SAMD12: variants seen among roughly 807,000 people sequenced by gnomAD.
The protein encoded by SAMD12 is sterile alpha motif domain-containing protein 12.
SAMD12 carries 9 observed loss-of-function variants against 15.0 expected under a neutral mutation model. The ratio of observed to expected loss-of-function variants is 0.60; its 90% CI spans 0.36 to 1.05. The LOEUF (loss-of-function observed/expected upper bound fraction) is 1.05, where lower values mean the gene tolerates loss of function less well. Among genes scored for constraint, SAMD12 ranks in the 50% least tolerant of loss-of-function variants. The pLI is 0.01. For synonymous variants in SAMD12, 86 were observed against 90.1 expected (o/e 0.96, Z 0.25); for missense variants, 230 against 234.2 (o/e 0.98, Z 0.12).
chr8:118,315,504 G>C (rs904142252), intron 4 of SAMD12, among the ~76,000 whole-genome samples: 2 of 152,120 alleles, frequency 1.3e-5, no homozygotes, highest in Non-Finnish European at 2.9e-5. Context: ...GTTTCTCTGA[G>C]CCAAGAGAGA....
intron 4 of SAMD12, among the ~76,000 whole-genome samples, chr8:118,308,349 C>G (rs2130375650): frequency 1.3e-5 from 2 of 152,282 alleles, no homozygotes; most frequent in Middle Eastern, 6.8e-3. Flanking sequence ...AAGACACTTA[C>G]TGTATGAGCA....
chr8:118,183,153 A>G, the SAMD12 span, among the ~76,000 whole-genome samples: 4 of 152,156 alleles, frequency 2.6e-5, no homozygotes, highest in Non-Finnish European at 4.4e-5. Context: ...CCAGGGCCTC[A>G]CAAGGGAGGC....
At chr8:118,417,096 T>C (rs1224043456) in intron 3 of SAMD12, among the ~76,000 whole-genome samples, 1 of 151,814 alleles carries the variant, frequency 6.6e-6, no homozygotes, top group Non-Finnish European at 1.5e-5. Flanking sequence ...TTTTGTTTTT[T>C]GGTTTTTTTT....
At chr8:118,425,547 A>G (rs1291880317) in intron 3 of SAMD12, among the ~76,000 whole-genome samples, 1 of 152,162 alleles carries the variant, frequency 6.6e-6, no homozygotes, top group Non-Finnish European at 1.5e-5. Context: ...TCAAATGGAA[A>G]CAGGAGTTTT....
intron 2 of SAMD12, among the ~76,000 whole-genome samples, chr8:118,449,686 C>G (rs538171787): frequency 1.3e-5 from 2 of 150,918 alleles, no homozygotes; most frequent in African/African-American, 4.9e-5. Flanking sequence ...GTAGTCCCAG[C>G]CTGCCTCGGG....
intron 4 of SAMD12, among the ~76,000 whole-genome samples, chr8:118,345,719 G>T (rs1294775352): frequency 6.6e-6 from 1 of 152,234 alleles, no homozygotes; most frequent in Non-Finnish European, 1.5e-5. Context: ...GAGTAAGATT[G>T]TATTAACTGG....
At chr8:118,289,519 T>G (rs1814243872) in intron 4 of SAMD12, among the ~76,000 whole-genome samples, 1 of 152,212 alleles carries the variant, frequency 6.6e-6, no homozygotes, top group African/African-American at 2.4e-5. Flanking sequence ...TCCAAAGGGC[T>G]TTTAAAAACA....
intron 2 of SAMD12, among the ~76,000 whole-genome samples, chr8:118,471,500 T>G (rs890221619): frequency 1.3e-5 from 2 of 152,132 alleles, no homozygotes; most frequent in African/African-American, 4.8e-5. Context: ...ATAACCAATG[T>G]CACCACTGAA....
intron 2 of SAMD12, among the ~76,000 whole-genome samples, chr8:118,506,141 A>G (rs1232908314): frequency 6.6e-6 from 1 of 152,212 alleles, no homozygotes; most frequent in Non-Finnish European, 1.5e-5. Context: ...ATCAGGAGGC[A>G]CTGACATGAA....
At chr8:118,619,795 G>C (rs1298716459) in intron 1 of SAMD12, among the ~76,000 whole-genome samples, 1 of 152,082 alleles carries the variant, frequency 6.6e-6, no homozygotes, top group Admixed American at 6.5e-5. Flanking sequence ...TGCTGAGAAG[G>C]CAGAAGAAAA....
intron 2 of SAMD12, among the ~76,000 whole-genome samples, chr8:118,502,666 T>C (rs879416332): frequency 6.6e-6 from 1 of 152,214 alleles, no homozygotes; most frequent in Non-Finnish European, 1.5e-5. Context: ...AAAGCAAACA[T>C]CTGTTGAACT....
intron 2 of SAMD12, among the ~76,000 whole-genome samples, chr8:118,502,844 G>A (rs1268518635): frequency 6.6e-6 from 1 of 152,164 alleles, no homozygotes; most frequent in Non-Finnish European, 1.5e-5. Context: ...ACGATAAAAT[G>A]AGAATAGTAC....
chr8:118,326,433 A>G (rs1816567386), intron 4 of SAMD12, among the ~76,000 whole-genome samples: 1 of 152,166 alleles, frequency 6.6e-6, no homozygotes, highest in Non-Finnish European at 1.5e-5. Context: ...GTTATACTAT[A>G]TGTCTGCTCT....
chr8:118,541,799 T>C (rs1825996592), intron 2 of SAMD12, among the ~76,000 whole-genome samples: 1 of 152,228 alleles, frequency 6.6e-6, no homozygotes, highest in African/African-American at 2.4e-5. Flanking sequence ...AAGGTACGAA[T>C]TGATCAAGGC....
intron 4 of SAMD12, among the ~76,000 whole-genome samples, chr8:118,244,376 T>C (rs568161126): frequency 3.5e-4 from 53 of 152,238 alleles, no homozygotes; most frequent in African/African-American, 1.1e-3. Context: ...CTAAAGACCA[T>C]TGTCTCTAGG....
chr8:118,536,848 T>C (rs1360983392), intron 2 of SAMD12, among the ~76,000 whole-genome samples: 1 of 152,238 alleles, frequency 6.6e-6, no homozygotes, highest in African/African-American at 2.4e-5. Context: ...TTCTGTGTAC[T>C]TACTATTAAC....
intron 3 of SAMD12, among the ~76,000 whole-genome samples, chr8:118,431,455 T>A (rs1822403657): frequency 6.6e-6 from 1 of 152,190 alleles, no homozygotes; most frequent in Non-Finnish European, 1.5e-5. Flanking sequence ...TTTTGTTTGT[T>A]TGGGCAAGCC....
chr8:118,464,455 C>T (rs970917726), intron 2 of SAMD12, among the ~76,000 whole-genome samples: 1 of 152,104 alleles, frequency 6.6e-6, no homozygotes, highest in African/African-American at 2.4e-5. Context: ...ACTTATTTCT[C>T]ATAGTCAGGG....
the SAMD12 span, among the ~76,000 whole-genome samples, chr8:118,147,089 A>C: frequency 1.3e-5 from 2 of 151,738 alleles, no homozygotes; most frequent in Non-Finnish European, 1.5e-5. Flanking sequence ...CAGTGGCATG[A>C]TCGTGGCTCA....
Sources: gnomAD v4.1 joint callset for allele counts (sites outside exome capture counted in the v4.1 genomes callset) on GRCh38, gnomAD v4.1.1 for gene constraint, MANE v1.5 for transcripts, NCBI Gene and HGNC (gene_info 2026-07-23, HGNC 2026-07-21) for gene names.